Variants in LARP1 observed in about 807,000 individuals in gnomAD.
LARP1 encodes La ribonucleoprotein 1, translational regulator.
A neutral mutation model predicts 122.7 loss-of-function variants in LARP1; 36 were observed. The ratio of observed to expected loss-of-function variants is 0.29; its 90% CI spans 0.22 to 0.39. The LOEUF (loss-of-function observed/expected upper bound fraction) is 0.39. LARP1 is among the 10% of genes least tolerant of loss of function. LARP1 has a pLI of 1.00. For missense variants in LARP1, 1,040 were observed against 1,403.6 expected (o/e 0.74, Z 4.14); for synonymous variants, 539 against 528.7 (o/e 1.02, Z -0.27).
intron 15 of LARP1, 115 bp downstream of exon 15, chr5:154,806,147 A>G (rs1331292134): frequency 8.8e-7 from 1 of 1,134,934 alleles, no homozygotes; most frequent in Non-Finnish European, 1.2e-6. Context: ...AGAGCAAAAA[A>G]AAGACATGAC....
chr5:154,803,711 C>CAGTGGTGAAAGAAGGACGG lies in LARP1; in HGVS notation c.2407_2425dup (p.Thr809SerfsTer38). 6.2e-7 allele frequency: 1 copy of CAGTGGTGAAAGAAGGACGG among 1,614,220 alleles called. No individual in the cohort carries two copies. Among genetic ancestry groups the CAGTGGTGAAAGAAGGACGG allele is most frequent in the Non-Finnish European group, 8.5e-7 (1 of 1,180,042 alleles). ...TCAAGCCAGACATCACGGTTTTACC[C>CAGTGGTGAAAGAAGGACGG]AGTGGTGAAAGAAGGACGGACACTG... On this transcript the variant is annotated frameshift_variant, in exon 13 of 19. Coordinates refer to ENST00000518297, the MANE Select transcript of LARP1 (RefSeq NM_033551.3). LOFTEE classifies it high-confidence loss of function. The surrounding 1 kb of genome is among the most constrained non-coding windows in gnomAD (Gnocchi z 4.4).
At chr5:154,741,619 C>T (rs981561887) in intron 1 of LARP1, among the ~76,000 whole-genome samples, 2 of 152,074 alleles carry the variant, frequency 1.3e-5, no homozygotes, top group Admixed American at 1.3e-4. Context: ...GAACACCATG[C>T]CCTAGGGGCC....
rs190812091 is a variant in LARP1 at position 154,743,369 on chromosome 5, C to T, written c.205+30239C>T. Among the ~76,000 whole-genome samples, 150 of 150,312 alleles carry T rather than the reference C, an allele frequency of 1.0e-3. 2 individuals are homozygous for T. In the East Asian group the frequency reaches 0.024, roughly 24 times the overall value. ...TGTTGCCCAGGCTGGAGTGCAGTGT[C>T]GTGATCTCGGCTCACTGCAACCTCT... On this transcript the variant is annotated intron_variant, in intron 1 of 18. Transcript: ENST00000336314.
chr5:154,728,676 A>T (rs1481386253), intron 1 of LARP1, among the ~76,000 whole-genome samples: 2 of 151,994 alleles, frequency 1.3e-5, no homozygotes, highest in Non-Finnish European at 2.9e-5. Flanking sequence ...AAAGTTGAGT[A>T]TGAAGAATTA....
chr5:154,733,872 A>G lies in LARP1; in HGVS notation c.205+20742A>G, dbSNP rs557959989. On this transcript the variant is annotated intron_variant, in intron 1 of 18. Transcript: ENST00000336314. ...GCCACCGTGCCTGGCCATAACCTCT[A>G]TTTTTTTGTCTGTAGAAAGAGTTTT... Among the ~76,000 whole-genome samples the G allele has an allele frequency of 4.6e-5, 7 of 152,006 alleles. No homozygotes were observed. The East Asian group carries it at 1.2e-3, about 25-fold the overall frequency.
Position 154,814,013 on chromosome 5 carries a change from C to T in LARP1, c.3208C>T (p.Pro1070Ser). The part of the protein sequence containing the change: ...SRPAAMISQP[P>S]TPPTGQPVRE... ...GCCTGCTGCCATGATCAGCCAACCC[C>T]CTACACCACCCACCGGCCAGCCTGT... Residue 1070 changes from proline to serine, a missense_variant, in exon 19 of 19, where the codon CCT becomes TCT. Pro to Ser is a moderately conservative substitution (Grantham distance 74, BLOSUM62 -1). Coordinates refer to ENST00000518297, the MANE Select transcript of LARP1 (RefSeq NM_033551.3). 6.2e-7 allele frequency: 1 copy of T among 1,614,132 alleles called. No homozygotes were observed.
chr5:154,708,513 C>G (rs1427251160), upstream of LARP1, among the ~76,000 whole-genome samples: 1 of 152,186 alleles, frequency 6.6e-6, no homozygotes, highest in African/African-American at 2.4e-5. Context: ...CATGTGTGCT[C>G]TGTGTCCATT....
rs756676326 is a variant in LARP1, at chr5:154,814,090, A to G, written c.3285A>G (p.Gly1095=). ...AGCACTCGAACACACAGACTTTGGGAAAGTGAAAAGCTCCTTAGCCCTGGG... is the reference window on the plus strand; with the variant it reads ...AGCACTCGAACACACAGACTTTGGGGAAGTGAAAAGCTCCTTAGCCCTGGG... The part of the protein sequence containing the change: ...TSQHSNTQTL[G]K Residue 1095 remains glycine, a synonymous_variant, in exon 19 of 19, where the codon GGA becomes GGG. Coordinates refer to ENST00000518297, the MANE Select transcript of LARP1 (RefSeq NM_033551.3). 1 of 1,614,098 alleles carries G rather than the reference A, an allele frequency of 6.2e-7. No homozygotes were observed. The highest frequency in any genetic ancestry group is 8.5e-7 in the Non-Finnish European group (1 of 1,180,018).
chr5:154,780,821 G>C (rs1756360682), intron 1 of LARP1, among the ~76,000 whole-genome samples: 1 of 152,200 alleles, frequency 6.6e-6, no homozygotes, highest in Non-Finnish European at 1.5e-5. Flanking sequence ...CAGTACCTTG[G>C]GAGGCTGAGG....
intron 1 of LARP1, among the ~76,000 whole-genome samples, chr5:154,773,759 C>G (rs527769239): frequency 1.3e-5 from 2 of 152,168 alleles, no homozygotes; most frequent in Non-Finnish European, 2.9e-5. Flanking sequence ...CTTGGTTTGT[C>G]TGGGAGTACC....
intron 1 of LARP1, among the ~76,000 whole-genome samples, chr5:154,689,341 A>G (rs1380865002): frequency 6.6e-6 from 1 of 152,224 alleles, no homozygotes; most frequent in Non-Finnish European, 1.5e-5. Context: ...AATCCCAGCT[A>G]CTTGGGAGGC....
At chr5:154,688,731 T>G in intron 1 of LARP1, among the ~76,000 whole-genome samples, 1 of 148,316 alleles carries the variant, frequency 6.7e-6, no homozygotes, top group African/African-American at 2.5e-5. Context: ...AAGGCTGAGG[T>G]AGGAGGATCT....
chr5:154,710,628 A>G (rs1755169790), upstream of LARP1, among the ~76,000 whole-genome samples: 1 of 151,554 alleles, frequency 6.6e-6, no homozygotes, highest in Admixed American at 6.6e-5. Flanking sequence ...CTATAATCCC[A>G]GCTACTCAGG....
intron 8 of LARP1, among the ~76,000 whole-genome samples, chr5:154,795,834 T>TATATA (rs1757709893): frequency 7.3e-6 from 1 of 136,350 alleles, no homozygotes; most frequent in East Asian, 2.0e-4. Flanking sequence ...TATATATATA[T>TATATA]TTTATATATA....
intron 17 of LARP1, 50 bp from the exon 18 acceptor site, chr5:154,811,463 T>G (rs1759263977): frequency 6.2e-7 from 1 of 1,613,302 alleles, no homozygotes; most frequent in Non-Finnish European, 8.5e-7. Flanking sequence ...CTCTCTCCTC[T>G]GAGCTTCTTT....
At chr5:154,706,349 A>G (rs1373223581) in intron 1 of LARP1, among the ~76,000 whole-genome samples, 2 of 151,106 alleles carry the variant, frequency 1.3e-5, no homozygotes, top group African/African-American at 2.4e-5. Flanking sequence ...TGTGGTACAT[A>G]TACACCATGG....
intron 1 of LARP1, among the ~76,000 whole-genome samples, chr5:154,782,296 G>C (rs1582395590): frequency 6.6e-6 from 1 of 152,316 alleles, no homozygotes; most frequent in East Asian, 1.9e-4. Context: ...GAAAAGGCTG[G>C]GTTAGGGAGC....
rs1054500214 is a variant in LARP1, at chr5:154,703,352, G to C, written c.-180+20315G>C. Among the ~76,000 whole-genome samples the C allele has an allele frequency of 3.3e-5, 5 of 152,270 alleles. No homozygotes were observed. The East Asian group carries it at 9.7e-4, about 29-fold the overall frequency. ...GCCTGGGAATGGGTCAGCACCTAGG[G>C]TAGCTCAGGCCTTCATGATTGGCAG... is the stretch of plus-strand genomic sequence containing the variant. On this transcript the variant is annotated intron_variant, in intron 1 of 18. Transcript: ENST00000687700.
chr5:154,769,652 C>T (rs1755243072), intron 1 of LARP1, among the ~76,000 whole-genome samples: 1 of 152,156 alleles, frequency 6.6e-6, no homozygotes, highest in South Asian at 2.1e-4. Flanking sequence ...TTATGTTAGG[C>T]CCCAGTGAGA....
Sources: allele counts gnomAD v4.1 joint callset (sites outside exome capture counted in the v4.1 genomes callset), GRCh38; gene constraint gnomAD v4.1.1; non-coding constraint Gnocchi (gnomAD v3.1); transcripts MANE v1.5; gene names NCBI Gene and HGNC (gene_info 2026-07-23, HGNC 2026-07-21).